WWP2: variants seen among roughly 807,000 people sequenced by gnomAD.
WWP2 encodes the protein WW domain containing E3 ubiquitin protein ligase 2.
Under a neutral mutation model 121.0 loss-of-function variants are expected in WWP2, and 57 were observed. The ratio of observed to expected loss-of-function variants is 0.47; its 90% CI spans 0.38 to 0.59. The LOEUF (loss-of-function observed/expected upper bound fraction) is 0.59, where lower values mean the gene tolerates loss of function less well. WWP2 is among the 20% of genes least tolerant of loss of function. The probability of loss-of-function intolerance (pLI) is 0.00; values close to 1 mark genes in which losing one functional copy is unlikely to be tolerated. For synonymous variants in WWP2, 449 were observed against 441.3 expected (o/e 1.02, Z -0.22); for missense variants, 962 against 1,158.9 (o/e 0.83, Z 2.47).
At chr16:69,808,092 T>C (rs539505269) in intron 4 of WWP2, among the ~76,000 whole-genome samples, 2 of 152,368 alleles carry the variant, frequency 1.3e-5, no homozygotes, top group African/African-American at 4.8e-5. Context: ...TTGTCCCTTC[T>C]AGTTAATTTC....
At position 69,935,915 on chromosome 16, in the gene WWP2, C is replaced by G. The variant is rs781688135; in HGVS notation, c.1905C>G (p.Leu635=). Residue 635 remains leucine (L), a synonymous_variant, in exon 18 of 24, where the codon CTC becomes CTG. Transcript: ENST00000359154. The surrounding 1 kb of genome is among the most constrained non-coding windows in gnomAD (Gnocchi z 5.2). ...GFTLPFYKRM[L]NKRPTLKDLE... is the part of the protein sequence containing the mutation. Reference sequence around the variant, plus strand: ...CCCTCCCTTTCTACAAGCGGATGCTCAATAAGAGACCAACCCTGAAAGACC... The same window carrying G: ...CCCTCCCTTTCTACAAGCGGATGCTGAATAAGAGACCAACCCTGAAAGACC... 6.2e-7 allele frequency: 1 copy of G among 1,614,062 alleles called. No individual in the cohort carries two copies. Among genetic ancestry groups the G allele is most frequent in the Non-Finnish European group, 8.5e-7 (1 of 1,180,024 alleles).
chr16:69,818,978 T>C (rs911301316), intron 4 of WWP2, among the ~76,000 whole-genome samples: 4 of 152,214 alleles, frequency 2.6e-5, no homozygotes, highest in Admixed American at 2.6e-4. Context: ...TGTTGAAATC[T>C]GAGTCACCTG....
chr16:69,880,462 T>C (rs1205980865), intron 7 of WWP2, among the ~76,000 whole-genome samples: 1 of 152,192 alleles, frequency 6.6e-6, no homozygotes, highest in African/African-American at 2.4e-5. Context: ...TCAAAACAAA[T>C]TTCAGACTTT....
chr16:69,800,639 A>G (rs1334047575), intron 4 of WWP2, among the ~76,000 whole-genome samples: 2 of 149,522 alleles, frequency 1.3e-5, no homozygotes, highest in African/African-American at 4.9e-5. Context: ...ATCTCGGCTC[A>G]CTGCAACCTC....
intron 4 of WWP2, among the ~76,000 whole-genome samples, chr16:69,811,002 G>A (rs1160570239): frequency 1.3e-5 from 2 of 152,090 alleles, no homozygotes; most frequent in East Asian, 1.9e-4. Flanking sequence ...TGATCTGCCC[G>A]CCTTGGCCTC....
chr16:69,780,011 T>C (rs1049541022), intron 1 of WWP2, among the ~76,000 whole-genome samples: 2 of 152,196 alleles, frequency 1.3e-5, no homozygotes, highest in Non-Finnish European at 2.9e-5. Context: ...CCCCAGAACT[T>C]TTTTCTTTGA....
intron 1 of WWP2, among the ~76,000 whole-genome samples, chr16:69,784,858 G>A (rs1403704794): frequency 1.3e-5 from 2 of 151,776 alleles, no homozygotes; most frequent in African/African-American, 4.8e-5. Context: ...TCTTGAAAAC[G>A]AATGAAGTGA....
Position 69,854,034 on chromosome 16 carries a change from G to A in WWP2, c.575+11914G>A, listed in dbSNP as rs530654376. Among the ~76,000 whole-genome samples, 86 of 152,312 alleles carry A rather than the reference G, an allele frequency of 5.6e-4. 1 individual carries two copies. The highest frequency in any genetic ancestry group is 2.0e-3 in the African/African-American group (83 of 41,564). ...CTGAAGAGACACAGAGAGAAACATC[G>A]TATTCCTGACAGTGAACCACAGGGC... On this transcript the variant is annotated intron_variant, in intron 6 of 23. Coordinates refer to ENST00000359154, the MANE Select transcript of WWP2 (RefSeq NM_001270454.2).
chr16:69,909,765 G>A (rs1597146224), intron 9 of WWP2: 1 of 913,900 alleles, frequency 1.1e-6, no homozygotes, highest in East Asian at 1.2e-4. Flanking sequence ...TTATGAAAAT[G>A]TTCTTATTAT....
chr16:69,933,045 C>G (rs766154469), intron 16 of WWP2: 3 of 486,112 alleles, frequency 6.2e-6, no homozygotes, highest in Non-Finnish European at 1.3e-5. Flanking sequence ...TCTCCAGGCT[C>G]TGCTTGGTGG....
chr16:69,788,776 C>T (rs1274223589), intron 2 of WWP2, among the ~76,000 whole-genome samples: 4 of 152,040 alleles, frequency 2.6e-5, no homozygotes, highest in Non-Finnish European at 4.4e-5. Flanking sequence ...AGATTTTTGT[C>T]GCTTTGGTCA....
chr16:69,850,494 G>T (rs2057187597), intron 6 of WWP2, among the ~76,000 whole-genome samples: 1 of 152,128 alleles, frequency 6.6e-6, no homozygotes, highest in Non-Finnish European at 1.5e-5. Context: ...TGGATCCATG[G>T]TGATGGTATG....
intron 10 of WWP2, among the ~76,000 whole-genome samples, chr16:69,918,325 C>A (rs956337966): frequency 4.6e-5 from 7 of 151,962 alleles, no homozygotes; most frequent in African/African-American, 1.7e-4. Context: ...TTTGTTAGAT[C>A]TTTATTATCT....
rs983095247 is a variant in WWP2 at position 69,917,731 on chromosome 16, C to G, written c.1027C>G (p.Arg343Gly). 6.2e-7 allele frequency: 1 copy of G among 1,604,840 alleles called. No homozygotes were observed. Among genetic ancestry groups the G allele is most frequent in the African/African-American group, 1.3e-5 (1 of 74,810 alleles). The change falls in exon 10 of 24, where the codon CGA becomes GGA. Residue 343 changes from arginine to glycine, a missense_variant. Arg to Gly is a moderately radical substitution (Grantham distance 125). Coordinates refer to ENST00000359154, the MANE Select transcript of WWP2 (RefSeq NM_001270454.2). ...CAGCTGGGAAAAACGCACAGATCCC[C>G]GAGGCAGGTTTTACTATGTGGATCA... is the stretch of plus-strand genomic sequence containing the variant. Reference protein sequence around the residue: ...PPGWEKRTDPRGRFYYVDHNT... With the variant: ...PPGWEKRTDPGGRFYYVDHNT...
intron 7 of WWP2, among the ~76,000 whole-genome samples, chr16:69,881,494 A>G (rs1042550572): frequency 1.3e-5 from 2 of 152,256 alleles, no homozygotes; most frequent in East Asian, 3.8e-4. Context: ...AAAGTTGGTG[A>G]AATCCAAATA....
At position 69,799,091 on chromosome 16, in the gene WWP2, G is replaced by A; in HGVS notation, c.219-83G>A. The A allele has an allele frequency of 8.4e-6, 13 of 1,539,028 alleles. No homozygotes were observed. The South Asian group carries it at 1.5e-4, about 18-fold the overall frequency. On this transcript the variant is annotated intron_variant, in intron 3 of 23. Coordinates refer to ENST00000359154, the MANE Select transcript of WWP2 (RefSeq NM_001270454.2). The surrounding 1 kb of genome is among the most constrained non-coding windows in gnomAD (Gnocchi z 4.5). ...TGTTTTGGTTCCCCCTCCCCAAGAT[G>A]TCAGCAGTTTAGTTTAAATGTTTTC...
intron 1 of WWP2, among the ~76,000 whole-genome samples, chr16:69,770,628 C>T (rs913071293): frequency 5.3e-5 from 8 of 152,100 alleles, no homozygotes; most frequent in African/African-American, 1.2e-4. Flanking sequence ...GATTTATAGC[C>T]GGTTGGTCAG....
chr16:69,870,146 G>A (rs182320762), intron 6 of WWP2, among the ~76,000 whole-genome samples: 259 of 152,054 alleles, frequency 1.7e-3, no homozygotes, highest in African/African-American at 6.0e-3. Flanking sequence ...TGTAAAGCGG[G>A]GATAATAATA....
intron 9 of WWP2, among the ~76,000 whole-genome samples, chr16:69,914,056 A>C (rs1027312918): frequency 5.6e-5 from 7 of 125,238 alleles, no homozygotes; most frequent in Non-Finnish European, 9.5e-5. Context: ...TGGGCGACAG[A>C]GCGAGACTCT....
Sources: allele counts gnomAD v4.1 joint callset (sites outside exome capture counted in the v4.1 genomes callset), GRCh38; gene constraint gnomAD v4.1.1; non-coding constraint Gnocchi (gnomAD v3.1); transcripts MANE v1.5; gene names NCBI Gene and HGNC (gene_info 2026-07-23, HGNC 2026-07-21).